Variants in KSR2 observed in about 807,000 individuals in gnomAD.
KSR2 encodes the protein kinase suppressor of ras 2.
In KSR2, 25 loss-of-function variants were observed where a neutral mutation model predicts 107.8. The ratio of observed to expected loss-of-function variants is 0.23; its 90% CI spans 0.17 to 0.32. The LOEUF (loss-of-function observed/expected upper bound fraction) is 0.32. Ranked by LOEUF, KSR2 falls within the 10% of genes least tolerant of loss-of-function variation. KSR2 has a pLI of 1.00. For missense variants in KSR2, 887 were observed against 1,268.9 expected, an observed-to-expected ratio of 0.70 and a Z score of 4.57; for synonymous variants, 480 against 507.0, an observed-to-expected ratio of 0.95 and a Z score of 0.71.
At chr12:117,725,514 C>T (rs887126221) in intron 4 of KSR2, among the ~76,000 whole-genome samples, 2 of 152,278 alleles carry the variant, frequency 1.3e-5, no homozygotes, top group East Asian at 1.9e-4. Context: ...CCTTACTTTA[C>T]ATCATATGCA....
chr12:117,803,252 C>T (rs548406733), intron 3 of KSR2, among the ~76,000 whole-genome samples: 108 of 152,302 alleles, frequency 7.1e-4, no homozygotes, highest in African/African-American at 2.5e-3. Context: ...ACACAGCGTT[C>T]CATTCCAGAG....
At chr12:117,540,473 C>T (rs1206588866) in intron 9 of KSR2, among the ~76,000 whole-genome samples, 2 of 152,216 alleles carry the variant, frequency 1.3e-5, no homozygotes, top group African/African-American at 2.4e-5. Context: ...CCCCAAAAGA[C>T]GTCCACCCAG....
chr12:117,530,829 C>A, intron 12 of KSR2, 112 bp downstream of exon 12: 2 of 929,992 alleles, frequency 2.2e-6, no homozygotes, highest in South Asian at 1.5e-5. Context: ...CCCTCTGCCC[C>A]CAACTCCATC....
At chr12:117,855,688 G>T in intron 2 of KSR2, 110 bp from the exon 3 acceptor site, 1 of 1,094,772 alleles carries the variant, frequency 9.1e-7, no homozygotes, top group Non-Finnish European at 1.3e-6. Flanking sequence ...TAAACGCTTT[G>T]CATGACAGTG....
intron 3 of KSR2, among the ~76,000 whole-genome samples, chr12:117,782,738 C>T (rs1444126187): frequency 2.6e-5 from 4 of 152,098 alleles, no homozygotes; most frequent in African/African-American, 4.8e-5. Context: ...TACAAACCTC[C>T]TAAGTGAAAA....
chr12:117,624,174 T>C (rs1160465422), intron 5 of KSR2, among the ~76,000 whole-genome samples: 1 of 152,208 alleles, frequency 6.6e-6, no homozygotes, highest in Admixed American at 6.5e-5. Flanking sequence ...ATTTTGTAGG[T>C]TGCCTGTTCA....
Position 117,968,430 on chromosome 12 carries a change from G to T in KSR2, c.-175C>A. ...TGAGGGGGTGGGAGTGGGAGGAGGGGACAAGAGCCAAAATTTATTATTTTA... is the reference window on the plus strand; with the variant it reads ...TGAGGGGGTGGGAGTGGGAGGAGGGTACAAGAGCCAAAATTTATTATTTTA... On this transcript the variant is annotated 5_prime_UTR_variant, in exon 1 of 20. Coordinates refer to ENST00000339824, the MANE Select transcript of KSR2 (RefSeq NM_173598.6). 7.5e-7 allele frequency: 1 copy of T among 1,326,742 alleles called. No homozygotes were observed. The highest frequency in any genetic ancestry group is 9.6e-7 in the Non-Finnish European group (1 of 1,046,156). 82.2% of individuals were successfully genotyped at this position (1,326,742 alleles called of 1,614,324 possible).
chr12:117,818,351 T>TTTGTGTGGCCTAGGGCACG (rs996511793), intron 3 of KSR2, among the ~76,000 whole-genome samples: 1 of 151,984 alleles, frequency 6.6e-6, no homozygotes, highest in Non-Finnish European at 1.5e-5. Flanking sequence ...ACTCTGAGGG[T>TTTGTGTGGCCTAGGGCACG]TTGTGTGGCC....
intron 3 of KSR2, among the ~76,000 whole-genome samples, chr12:117,817,155 G>A (rs1891400747): frequency 6.6e-6 from 1 of 152,140 alleles, no homozygotes; most frequent in African/African-American, 2.4e-5. Context: ...TCTTATTCAT[G>A]AAAAAGTTTC....
chr12:117,644,400 T>C (rs994510147), intron 5 of KSR2, among the ~76,000 whole-genome samples: 4 of 152,202 alleles, frequency 2.6e-5, no homozygotes, highest in African/African-American at 9.7e-5. Context: ...TAGCTCCACC[T>C]GTCTAGGACA....
intron 3 of KSR2, among the ~76,000 whole-genome samples, chr12:117,838,500 T>C (rs1042381794): frequency 2.6e-5 from 4 of 152,212 alleles, no homozygotes; most frequent in African/African-American, 9.6e-5. Flanking sequence ...TGGGTGAAAC[T>C]GATGTGGGTT....
chr12:117,548,125 C>T (rs1354593301), intron 9 of KSR2, among the ~76,000 whole-genome samples: 1 of 152,114 alleles, frequency 6.6e-6, no homozygotes, highest in Non-Finnish European at 1.5e-5. Flanking sequence ...GAACTCACCA[C>T]TGTGTCATTG....
chr12:117,768,660 C>T (rs534343132), intron 3 of KSR2, among the ~76,000 whole-genome samples: 17 of 152,132 alleles, frequency 1.1e-4, no homozygotes, highest in South Asian at 2.1e-4. Flanking sequence ...TGGGAGATGA[C>T]GGGGACCTGG....
At chr12:117,670,086 A>G (rs2136494088) in intron 4 of KSR2, among the ~76,000 whole-genome samples, 1 of 152,348 alleles carries the variant, frequency 6.6e-6, no homozygotes, top group South Asian at 2.1e-4. Context: ...AGAAAGAGAT[A>G]GAAAGGAGAC....
intron 5 of KSR2, among the ~76,000 whole-genome samples, chr12:117,639,753 G>A (rs1441845033): frequency 6.6e-6 from 1 of 151,634 alleles, no homozygotes; most frequent in Non-Finnish European, 1.5e-5. Flanking sequence ...CCTCCCTCAT[G>A]GTGGGAGAAA....
intron 11 of KSR2, 90 bp downstream of exon 11, chr12:117,531,576 C>T (rs1277682581): frequency 2.6e-6 from 3 of 1,133,956 alleles, no homozygotes; most frequent in South Asian, 2.7e-5. Context: ...TAGGCACCCC[C>T]ACAACATCTG....
At chr12:117,890,611 T>C (rs182819121) in intron 1 of KSR2, 57 of 152,376 alleles carry the variant, frequency 3.7e-4, no homozygotes, top group African/African-American at 1.2e-3. Context: ...TATTTGTCCA[T>C]GCTTCCATGC....
intron 3 of KSR2, among the ~76,000 whole-genome samples, chr12:117,844,046 A>G (rs1326704876): frequency 6.7e-6 from 1 of 149,480 alleles, no homozygotes; most frequent in Non-Finnish European, 1.5e-5. Flanking sequence ...GGCTTCCCTG[A>G]TTGACCCATC....
intron 5 of KSR2, among the ~76,000 whole-genome samples, chr12:117,655,868 T>G (rs1344070334): frequency 6.6e-6 from 1 of 152,180 alleles, no homozygotes; most frequent in East Asian, 1.9e-4. Context: ...AGGAGATCCA[T>G]TAGGGCATCT....
Sources: gnomAD v4.1 joint callset for allele counts (sites outside exome capture counted in the v4.1 genomes callset) on GRCh38, gnomAD v4.1.1 for gene constraint, MANE v1.5 for transcripts, NCBI Gene and HGNC (gene_info 2026-07-23, HGNC 2026-07-21) for gene names.